Variants in PRRG1 observed in about 807,000 individuals in gnomAD.
PRRG1 encodes the protein proline rich and Gla domain 1, also known as transmembrane gamma-carboxyglutamic acid protein 1.
Under a neutral mutation model 11.8 loss-of-function variants are expected in PRRG1, and 5 were observed. The ratio of observed to expected loss-of-function variants is 0.42; its 90% confidence interval spans 0.22 to 0.89. PRRG1 has a LOEUF of 0.89. Ranked by LOEUF, PRRG1 falls within the 40% of genes least tolerant of loss-of-function variation. The probability of loss-of-function intolerance (pLI) is 0.28; values close to 1 mark genes in which losing one functional copy is unlikely to be tolerated. For synonymous variants in PRRG1, 66 were observed against 60.4 expected (o/e 1.09, Z -0.43); for missense variants, 155 against 166.1 (o/e 0.93, Z 0.37).
chrX:37,371,608 C>T (rs991212902), intron 1 of PRRG1, among the ~76,000 whole-genome samples: 11 of 112,692 alleles, frequency 9.8e-5, no homozygotes, highest in Non-Finnish European at 1.9e-4. Context: ...CTGTTTGAGG[C>T]GTTGCGGTTC....
At chrX:37,393,515 C>G (rs1408772446) in intron 1 of PRRG1, among the ~76,000 whole-genome samples, 2 of 111,120 alleles carry the variant, frequency 1.8e-5, no homozygotes, top group African/African-American at 6.5e-5. Context: ...TTTATGAAGA[C>G]AGAGGTATTG....
chrX:37,441,903 C>A, intron 3 of PRRG1: 2 of 772,512 alleles, frequency 2.6e-6, no homozygotes, highest in Non-Finnish European at 3.1e-6. Flanking sequence ...AGAAAGGTGA[C>A]CCCCAGCTAT....
intron 3 of PRRG1, among the ~76,000 whole-genome samples, chrX:37,449,083 T>A (rs1258103760): frequency 8.9e-6 from 1 of 112,239 alleles, no homozygotes; most frequent in Non-Finnish European, 1.9e-5. Context: ...ATAAGGAGTC[T>A]TAAAAAGTTG....
chrX:37,420,081 T>C (rs377530533), intron 2 of PRRG1, among the ~76,000 whole-genome samples: 3 of 112,171 alleles, frequency 2.7e-5, no homozygotes, highest in East Asian at 2.8e-4. Context: ...CTACTACTTA[T>C]TGTAAATCTG....
intron 1 of PRRG1, among the ~76,000 whole-genome samples, chrX:37,385,489 G>GTATA (rs782270030): frequency 1.9e-5 from 2 of 107,929 alleles, no homozygotes; most frequent in African/African-American, 6.8e-5. Context: ...ATATATATGT[G>GTATA]TATATATATA....
At chrX:37,378,584 T>A (rs1418694758) in intron 1 of PRRG1, among the ~76,000 whole-genome samples, 1 of 111,519 alleles carries the variant, frequency 9.0e-6, no homozygotes, top group African/African-American at 3.3e-5. Flanking sequence ...TCTTAAGTAC[T>A]TGGATTCTGA....
At chrX:37,427,915 G>A (rs894173482) in intron 3 of PRRG1, among the ~76,000 whole-genome samples, 7 of 111,921 alleles carry the variant, frequency 6.3e-5, no homozygotes, top group African/African-American at 2.3e-4. Context: ...CCGCATGGCT[G>A]GGGAGGCCTC....
intron 1 of PRRG1, among the ~76,000 whole-genome samples, chrX:37,354,367 CT>C (rs67559788): frequency 0.13 from 14,039 of 107,825 alleles, 770 homozygotes; most frequent in African/African-American, 0.18. Flanking sequence ...GCTGGTAGTG[CT>C]TTTTTTATTT....
intron 2 of PRRG1, among the ~76,000 whole-genome samples, chrX:37,409,233 A>G (rs782561261): frequency 1.3e-4 from 15 of 112,173 alleles, no homozygotes; most frequent in Non-Finnish European, 2.6e-4. Context: ...AGAAAAAGAA[A>G]ATGTATTTAC....
At chrX:37,414,506 A>G (rs1932434736) in intron 2 of PRRG1, among the ~76,000 whole-genome samples, 1 of 112,345 alleles carries the variant, frequency 8.9e-6, no homozygotes, top group Non-Finnish European at 1.9e-5. Flanking sequence ...GTGGTTTCCA[A>G]TGTGTTCGGT....
chrX:37,379,911 G>T (rs1202967608), intron 1 of PRRG1, among the ~76,000 whole-genome samples: 3 of 111,190 alleles, frequency 2.7e-5, no homozygotes, highest in African/African-American at 9.8e-5. Flanking sequence ...CTTGCAATCT[G>T]GGGAGAATAA....
At chrX:37,352,731 C>A (rs1930108843) in intron 1 of PRRG1, among the ~76,000 whole-genome samples, 1 of 111,630 alleles carries the variant, frequency 9.0e-6, no homozygotes, top group Non-Finnish European at 1.9e-5. Flanking sequence ...ACTTTTCTTT[C>A]CGAGCATTAG....
chrX:37,389,360 A>T (rs1234952965), intron 1 of PRRG1, among the ~76,000 whole-genome samples: 1 of 111,819 alleles, frequency 8.9e-6, no homozygotes, highest in Non-Finnish European at 1.9e-5. Flanking sequence ...TTATTAATTC[A>T]TTCTTGCAGT....
chrX:37,367,817 G>A (rs5918424), intron 1 of PRRG1, among the ~76,000 whole-genome samples: 33,233 of 111,549 alleles, frequency 0.3, 7,089 homozygotes, highest in African/African-American at 0.77. Context: ...ATATGTTCCT[G>A]TATTGTGCTA....
intron 1 of PRRG1, among the ~76,000 whole-genome samples, chrX:37,368,369 G>A (rs1480407002): frequency 4.5e-5 from 5 of 111,751 alleles, no homozygotes; most frequent in Admixed American, 1.9e-4. Flanking sequence ...TATGGGATCC[G>A]TATGCATTTG....
chrX:37,371,082 C>T (rs1161147121), intron 1 of PRRG1, among the ~76,000 whole-genome samples: 1 of 111,727 alleles, frequency 9.0e-6, no homozygotes, highest in African/African-American at 3.3e-5. Flanking sequence ...GCCAGTCACA[C>T]AGACTGGAGT....
At chrX:37,436,881 C>T (rs1279595673) in intron 3 of PRRG1, among the ~76,000 whole-genome samples, 1 of 112,283 alleles carries the variant, frequency 8.9e-6, no homozygotes, top group Non-Finnish European at 1.9e-5. Context: ...GCATCCCAGA[C>T]CCTCCTTGGG....
chrX:37,396,023 C>A (rs1556378046), intron 1 of PRRG1, among the ~76,000 whole-genome samples: 3 of 111,866 alleles, frequency 2.7e-5, no homozygotes, highest in African/African-American at 9.8e-5. Context: ...GTCCACTTTG[C>A]AACCTTCAGC....
chrX:37,453,745 C>T lies in PRRG1; in HGVS notation c.*124C>T, dbSNP rs968887168. On this transcript the variant is annotated 3_prime_UTR_variant, in exon 4 of 4. Coordinates refer to ENST00000378628, the MANE Select transcript of PRRG1 (RefSeq NM_001142395.2). ...TGGACTCTTACCGCATACCACTTCA[C>T]ACTTGTTTTATTTTCTTTAGTTTTG... 4.2e-6 allele frequency: 3 copies of T among 706,117 alleles called. No individual in the cohort carries two copies. Among genetic ancestry groups the T allele is most frequent in the African/African-American group, 2.2e-5 (1 of 44,771 alleles). 58.2% of individuals were successfully genotyped at this position (706,117 alleles called of 1,213,427 possible).
Sources: gnomAD v4.1 joint callset for allele counts (sites outside exome capture counted in the v4.1 genomes callset) on GRCh38, gnomAD v4.1.1 for gene constraint, MANE v1.5 for transcripts, NCBI Gene and HGNC (gene_info 2026-07-23, HGNC 2026-07-21) for gene names.